OSBPL6: variants seen among roughly 807,000 people sequenced by gnomAD.
The protein encoded by OSBPL6 is oxysterol binding protein like 6.
Under a neutral mutation model 125.8 loss-of-function variants are expected in OSBPL6, and 49 were observed. The observed-to-expected ratio is 0.39, with a 90% CI of 0.31 to 0.49. The LOEUF is 0.49. OSBPL6 is among the 20% of genes least tolerant of loss of function. The probability of loss-of-function intolerance (pLI) is 0.88; values close to 1 mark genes in which losing one functional copy is unlikely to be tolerated. For missense variants in OSBPL6, 986 were observed against 1,135.4 expected (o/e 0.87, Z 1.89); for synonymous variants, 394 against 391.8 (o/e 1.01, Z -0.07).
At chr2:178,347,808 A>G (rs1021716553) in intron 11 of OSBPL6, among the ~76,000 whole-genome samples, 4 of 152,164 alleles carry the variant, frequency 2.6e-5, no homozygotes, top group Non-Finnish European at 4.4e-5. Context: ...AAGTTCTCCA[A>G]AGAAGATGAG....
chr2:178,315,448 T>C (rs1687651216), intron 3 of OSBPL6, among the ~76,000 whole-genome samples: 1 of 152,200 alleles, frequency 6.6e-6, no homozygotes, highest in Admixed American at 6.5e-5. Context: ...GACAAAAGTG[T>C]CAGCAAATAT....
At chr2:178,228,471 C>G (rs1174443777) in intron 1 of OSBPL6, among the ~76,000 whole-genome samples, 1 of 152,182 alleles carries the variant, frequency 6.6e-6, no homozygotes, top group African/African-American at 2.4e-5. Flanking sequence ...GGAGGTGGAG[C>G]TTGCAGTGAG....
At chr2:178,358,339 T>C (rs930073096) in intron 12 of OSBPL6, among the ~76,000 whole-genome samples, 1 of 152,168 alleles carries the variant, frequency 6.6e-6, no homozygotes, top group Non-Finnish European at 1.5e-5. Flanking sequence ...TGCTTCCTGA[T>C]TTAAAATTAT....
intron 1 of OSBPL6, among the ~76,000 whole-genome samples, chr2:178,276,054 A>G (rs951134726): frequency 3.9e-5 from 6 of 152,210 alleles, no homozygotes. Flanking sequence ...AAAGATTTAA[A>G]TATAGATTAG....
At chr2:178,392,272 T>A in intron 22 of OSBPL6, 140 bp from the exon 23 acceptor site, 1 of 1,002,696 alleles carries the variant, frequency 1.0e-6, no homozygotes, top group Non-Finnish European at 1.4e-6. Flanking sequence ...ACCAATTTAA[T>A]TCACTTGAAA....
chr2:178,315,652 G>C (rs1687667144), intron 3 of OSBPL6, among the ~76,000 whole-genome samples: 1 of 152,104 alleles, frequency 6.6e-6, no homozygotes, highest in Admixed American at 6.6e-5. Flanking sequence ...GAGATGACTG[G>C]TTTTGGGTGA....
intron 9 of OSBPL6, among the ~76,000 whole-genome samples, chr2:178,337,279 A>C (rs2154080393): frequency 6.6e-6 from 1 of 152,344 alleles, no homozygotes; most frequent in South Asian, 2.1e-4. Flanking sequence ...ATTATAATAA[A>C]AGTAGATATT....
At chr2:178,272,074 C>T (rs2092384957) in intron 1 of OSBPL6, among the ~76,000 whole-genome samples, 1 of 152,230 alleles carries the variant, frequency 6.6e-6, no homozygotes, top group Admixed American at 6.5e-5. Flanking sequence ...AGAGAAATCT[C>T]ATCTGTGAAC....
At chr2:178,302,258 T>G (rs1302502049) in intron 2 of OSBPL6, among the ~76,000 whole-genome samples, 1 of 152,202 alleles carries the variant, frequency 6.6e-6, no homozygotes, top group Non-Finnish European at 1.5e-5. Flanking sequence ...TGTTCAGCTC[T>G]CTCATATTGC....
At chr2:178,224,850 G>T (rs561514575) in intron 1 of OSBPL6, among the ~76,000 whole-genome samples, 10 of 152,302 alleles carry the variant, frequency 6.6e-5, no homozygotes, top group African/African-American at 2.4e-4. Context: ...CAGGAGGATC[G>T]CTCAAGCCCG....
intron 2 of OSBPL6, among the ~76,000 whole-genome samples, chr2:178,297,424 C>A (rs1245479771): frequency 6.6e-6 from 1 of 152,172 alleles, no homozygotes; most frequent in East Asian, 1.9e-4. Flanking sequence ...ATAGTGAGAC[C>A]ACCATCTCAA....
intron 13 of OSBPL6, among the ~76,000 whole-genome samples, chr2:178,363,953 T>C (rs536827309): frequency 3.3e-4 from 51 of 152,340 alleles, no homozygotes; most frequent in Non-Finnish European, 5.9e-4. Context: ...CACATCCCCG[T>C]GTGTGTCCAT....
At chr2:178,365,327 C>T (rs1210838545) in intron 13 of OSBPL6, among the ~76,000 whole-genome samples, 2 of 152,062 alleles carry the variant, frequency 1.3e-5, no homozygotes, top group Admixed American at 6.5e-5. Flanking sequence ...CAAATTTTAT[C>T]GTCTTTTCGA....
intron 4 of OSBPL6, among the ~76,000 whole-genome samples, chr2:178,324,581 G>A (rs769306020): frequency 6.6e-6 from 1 of 151,904 alleles, no homozygotes; most frequent in Non-Finnish European, 1.5e-5. Context: ...CCCAGCTAAT[G>A]GAAAAGAAAA....
rs138446885 is a variant in OSBPL6, at chr2:178,307,900, C to T, written c.102+1614C>T. 1.2e-3 allele frequency among the ~76,000 whole-genome samples: 178 copies of T among 152,180 alleles called. 1 individual carries two copies. Among genetic ancestry groups the T allele is most frequent in the African/African-American group, 4.0e-3 (164 of 41,508 alleles). On this transcript the variant is annotated intron_variant, in intron 3 of 24. Coordinates refer to ENST00000190611, the MANE Select transcript of OSBPL6 (RefSeq NM_032523.4). ...TGCCTGTTGCACCCGAGCTCCAGGA[C>T]GGGCACGCAAAGCAATAGGGAAACA...
chr2:178,212,477 G>A (rs1041152687), intron 1 of OSBPL6, among the ~76,000 whole-genome samples: 17 of 152,180 alleles, frequency 1.1e-4, no homozygotes, highest in African/African-American at 4.1e-4. Flanking sequence ...GTTCTGAGGT[G>A]AGCCTTACAA....
rs188574241 is a variant in OSBPL6, at chr2:178,208,059, C to T, written c.-351+13385C>T. 4.6e-5 allele frequency among the ~76,000 whole-genome samples: 7 copies of T among 151,926 alleles called. No individual in the cohort carries two copies. The East Asian group carries it at 5.8e-4, about 13-fold the overall frequency. On this transcript the variant is annotated intron_variant, in intron 1 of 24. Coordinates refer to ENST00000190611, the MANE Select transcript of OSBPL6 (RefSeq NM_032523.4). ...CAGCACTTCGGGAGGTCAAGGTGGGCGGATCACCTGAGGTCAGGAGTTCGA... is the reference window on the plus strand; with the variant it reads ...CAGCACTTCGGGAGGTCAAGGTGGGTGGATCACCTGAGGTCAGGAGTTCGA...
chr2:178,226,993 A>T (rs879295148), intron 1 of OSBPL6, among the ~76,000 whole-genome samples: 4 of 152,212 alleles, frequency 2.6e-5, no homozygotes, highest in Non-Finnish European at 4.4e-5. Context: ...ATAGCTGGAG[A>T]TATAAATGAA....
intron 12 of OSBPL6, among the ~76,000 whole-genome samples, chr2:178,361,444 G>A (rs538964798): frequency 6.6e-6 from 1 of 152,030 alleles, no homozygotes; most frequent in Non-Finnish European, 1.5e-5. Flanking sequence ...CCAGATTTTT[G>A]TTGGCCTGTC....
Sources: gnomAD v4.1 joint callset for allele counts (sites outside exome capture counted in the v4.1 genomes callset) on GRCh38, gnomAD v4.1.1 for gene constraint, MANE v1.5 for transcripts, NCBI Gene and HGNC (gene_info 2026-07-23, HGNC 2026-07-21) for gene names.